The following WDR27 variants were observed in gnomAD, a reference collection of about 807,000 sequenced individuals.
WDR27 encodes the protein WD repeat-containing protein 27.
A neutral mutation model predicts 114.4 loss-of-function variants in WDR27; 100 were observed. The observed-to-expected ratio is 0.87, with a 90% CI of 0.74 to 1.03. WDR27 has a LOEUF of 1.03. WDR27 is among the 50% of genes least tolerant of loss of function. WDR27 has a pLI of 0.00. For missense variants in WDR27, 1,129 were observed against 1,092.9 expected (o/e 1.03, Z -0.47); for synonymous variants, 449 against 423.1 (o/e 1.06, Z -0.75).
At chr6:169,654,763 C>T (rs112211873) in intron 13 of WDR27, among the ~76,000 whole-genome samples, 53 of 134,796 alleles carry the variant, frequency 3.9e-4, no homozygotes, top group Non-Finnish European at 3.8e-4. Context: ...TTAGGCGGCG[C>T]GCACAGCAGA....
At chr6:169,679,117 C>T (rs767786086) in intron 2 of WDR27, among the ~76,000 whole-genome samples, 4 of 152,302 alleles carry the variant, frequency 2.6e-5, no homozygotes, top group Middle Eastern at 3.4e-3. Flanking sequence ...AGCCTGGAAG[C>T]CCCCGCTTTG....
intron 24 of WDR27, among the ~76,000 whole-genome samples, chr6:169,576,032 G>A (rs1802273359): frequency 6.7e-6 from 1 of 148,746 alleles, no homozygotes; most frequent in African/African-American, 2.4e-5. Flanking sequence ...ACCATGACTG[G>A]AAAAACTGCA....
At chr6:169,660,500 C>G (rs1230979654) in intron 10 of WDR27, among the ~76,000 whole-genome samples, 163 bp downstream of exon 10, 2 of 152,166 alleles carry the variant, frequency 1.3e-5, no homozygotes, top group Non-Finnish European at 2.9e-5. Context: ...TCCTTCGGAT[C>G]CAGCAGCACA....
At chr6:169,439,533 G>C in the WDR27 span, among the ~76,000 whole-genome samples, 40 of 152,046 alleles carry the variant, frequency 2.6e-4, no homozygotes, top group Admixed American at 2.1e-3. Flanking sequence ...AATGCTAACA[G>C]GTTCATAAAA....
chr6:169,590,328 C>T (rs937396598), intron 23 of WDR27, among the ~76,000 whole-genome samples: 6 of 152,244 alleles, frequency 3.9e-5, no homozygotes, highest in African/African-American at 1.4e-4. Context: ...ACAGGGGAAT[C>T]AACTATCATA....
rs186778230 is a variant in WDR27 at position 169,650,144 on chromosome 6, G to A, written c.1482-869C>T. ...ACTCACTCATCCATCTCTCAACTCC[G>A]CCCCTCTCCATCCCTCCATCCATCC... On this transcript the variant is annotated intron_variant, in intron 14 of 25. Transcript: ENST00000448612. 6.7e-3 allele frequency among the ~76,000 whole-genome samples: 693 copies of A among 102,952 alleles called. 5 individuals carry two copies. The highest frequency in any genetic ancestry group is 0.011 in the Middle Eastern group (1 of 90). 67.5% of individuals were successfully genotyped at this position (102,952 alleles called of 152,430 possible).
intron 22 of WDR27, among the ~76,000 whole-genome samples, chr6:169,607,755 C>G (rs575898036): frequency 2.5e-4 from 38 of 152,260 alleles, no homozygotes; most frequent in Non-Finnish European, 2.9e-5. Flanking sequence ...CAAAATTACA[C>G]TTGCACCTCC....
chr6:169,693,458 A>C (rs951116020), intron 1 of WDR27, among the ~76,000 whole-genome samples: 1 of 152,206 alleles, frequency 6.6e-6, no homozygotes, highest in Non-Finnish European at 1.5e-5. Flanking sequence ...GAACTAACAT[A>C]ATGAATAGAG....
rs371009880 is a variant in WDR27, at chr6:169,662,916, C to T, written c.905-492G>A. On this transcript the variant is annotated intron_variant, in intron 8 of 25. Coordinates refer to ENST00000448612, the MANE Select transcript of WDR27 (RefSeq NM_182552.5). ...CACTAAGGTAACACCCAGCATGATG[C>T]GTGTGCACCGCGGAGCATTCAGATC... Among the ~76,000 whole-genome samples, 17 of 146,658 alleles carry T rather than the reference C, an allele frequency of 1.2e-4. No homozygotes were observed. In the East Asian group the frequency reaches 1.2e-3, roughly 11 times the overall value.
chr6:169,471,455 AT>A (rs1452474392), intron 25 of WDR27, among the ~76,000 whole-genome samples: 1 of 152,142 alleles, frequency 6.6e-6, no homozygotes, highest in African/African-American at 2.4e-5. Context: ...GGTAGGAGTC[AT>A]TTTCATGAGT....
chr6:169,699,266 C>T (rs1787160610), intron 1 of WDR27, among the ~76,000 whole-genome samples: 1 of 152,182 alleles, frequency 6.6e-6, no homozygotes, highest in Admixed American at 6.5e-5. Flanking sequence ...CCCTGAGAGG[C>T]TGCAGGGAGG....
chr6:169,591,762 A>G (rs1457774669), intron 23 of WDR27, among the ~76,000 whole-genome samples: 2 of 152,180 alleles, frequency 1.3e-5, no homozygotes, highest in Non-Finnish European at 2.9e-5. Context: ...TAACCAGCAG[A>G]CAGTAGTGCA....
At position 169,667,875 on chromosome 6, in the gene WDR27, C is replaced by T. The variant is rs913982414; in HGVS notation, c.660+107G>A. 3 of 1,097,588 alleles carry T rather than the reference C, an allele frequency of 2.7e-6. No individual in the cohort carries two copies. In the African/African-American group the frequency reaches 4.7e-5, roughly 17 times the overall value. 68.0% of individuals were successfully genotyped at this position (1,097,588 alleles called of 1,614,324 possible). ...CCTTGCAGAAGTGAGGTAGAAACAA[C>T]ATCACTCAGGCGGCCGTGGCCGTGA... is the stretch of plus-strand genomic sequence containing the variant. On this transcript the variant is annotated intron_variant, in intron 5 of 25. Coordinates refer to ENST00000448612, the MANE Select transcript of WDR27 (RefSeq NM_182552.5).
At chr6:169,690,520 C>T (rs571474565) in intron 1 of WDR27, among the ~76,000 whole-genome samples, 2 of 152,316 alleles carry the variant, frequency 1.3e-5, no homozygotes, top group East Asian at 1.9e-4. Flanking sequence ...CAGCAGAGGC[C>T]CCTGAGAGCT....
intron 8 of WDR27, 139 bp downstream of exon 8, chr6:169,664,027 G>C: frequency 1.3e-6 from 1 of 788,900 alleles, no homozygotes; most frequent in South Asian, 2.0e-5. Context: ...GGGCCTCAGT[G>C]GTTTTCTGAG....
At chr6:169,454,931 G>A (rs551939556), downstream of WDR27, among the ~76,000 whole-genome samples, 7 of 152,350 alleles carry the variant, frequency 4.6e-5, 1 homozygote, top group South Asian at 1.0e-3. Flanking sequence ...GTGTCCACTC[G>A]GTTGGTGAAG....
In WDR27 at chr6:169,536,523, C is replaced by T. The variant is rs144166659; in HGVS notation, c.2645+35896G>A. On this transcript the variant is annotated intron_variant, in intron 25 of 25. Transcript: ENST00000448612. Reference sequence around the variant, plus strand: ...TAATGAAACTGGTCTTATTCTGACACGGATTGCTTATAAATGAAACAAAAA... The same window carrying T: ...TAATGAAACTGGTCTTATTCTGACATGGATTGCTTATAAATGAAACAAAAA... Among the ~76,000 whole-genome samples the T allele has an allele frequency of 7.9e-5, 12 of 152,298 alleles. No homozygotes were observed. The East Asian group carries it at 1.9e-3, about 24-fold the overall frequency.
chr6:169,642,732 T>A lies in WDR27; in HGVS notation c.1747+965A>T, dbSNP rs375027197. On this transcript the variant is annotated intron_variant, in intron 17 of 25. Transcript: ENST00000448612. ...GTGAGGCGGGAGTCACTGGGGGCGC[T>A]CATCTGCTCCCAGGTGTGGCCTTGC... Among the ~76,000 whole-genome samples the A allele has an allele frequency of 2.0e-4, 31 of 152,160 alleles. No individual in the cohort carries two copies. The South Asian group carries it at 3.7e-3, about 18-fold the overall frequency.
intron 25 of WDR27, among the ~76,000 whole-genome samples, chr6:169,466,034 C>A (rs1393473017): frequency 6.6e-6 from 1 of 152,080 alleles, no homozygotes; most frequent in East Asian, 1.9e-4. Context: ...TGTATTTTAC[C>A]ACAATAGAAA....
Sources: gnomAD v4.1 joint callset for allele counts (sites outside exome capture counted in the v4.1 genomes callset) on GRCh38, gnomAD v4.1.1 for gene constraint, MANE v1.5 for transcripts, NCBI Gene and HGNC (gene_info 2026-07-23, HGNC 2026-07-21) for gene names.